LRRC69: variants seen among roughly 807,000 people sequenced by gnomAD.
LRRC69 encodes leucine-rich repeat-containing protein 69.
A neutral mutation model predicts 37.8 loss-of-function variants in LRRC69; 42 were observed. The observed-to-expected ratio is 1.11, with a 90% CI of 0.87 to 1.44. The LOEUF (loss-of-function observed/expected upper bound fraction) is 1.44, where lower values mean the gene tolerates loss of function less well. Ranked by LOEUF, LRRC69 falls within the 40% of genes most tolerant of loss-of-function variation. The pLI is 0.00. For missense variants in LRRC69, 357 were observed against 401.9 expected (o/e 0.89, Z 0.96); for synonymous variants, 141 against 143.1 (o/e 0.99, Z 0.11).
chr8:91,136,542 A>G (rs1808422039), intron 5 of LRRC69, among the ~76,000 whole-genome samples: 1 of 152,124 alleles, frequency 6.6e-6, no homozygotes, highest in South Asian at 2.1e-4. Flanking sequence ...AATCATTTCT[A>G]CTTGTATAGT....
chr8:91,206,781 T>C (rs1039039366), intron 7 of LRRC69: 3 of 1,289,662 alleles, frequency 2.3e-6, no homozygotes, highest in Non-Finnish European at 3.0e-6. Flanking sequence ...TCACCTGGAA[T>C]ACCTCAATTA....
intron 3 of LRRC69, among the ~76,000 whole-genome samples, chr8:91,128,433 G>A (rs1813756191): frequency 6.6e-6 from 1 of 151,976 alleles, no homozygotes; most frequent in Middle Eastern, 3.2e-3. Flanking sequence ...GGATTGCAGA[G>A]TGTATAGGTC....
chr8:91,123,864 C>T (rs72666005), intron 1 of LRRC69, among the ~76,000 whole-genome samples: 2,137 of 152,054 alleles, frequency 0.014, 30 homozygotes, highest in Middle Eastern at 0.024. Flanking sequence ...GCAGTTCTTC[C>T]TAGGCCTGAC....
intron 5 of LRRC69, among the ~76,000 whole-genome samples, chr8:91,175,111 C>A (rs1809201741): frequency 6.6e-6 from 1 of 152,054 alleles, no homozygotes; most frequent in Non-Finnish European, 1.5e-5. Flanking sequence ...TGCATGTTTT[C>A]TTTTGGTTCT....
At chr8:91,110,573 A>T (rs1813391579) in intron 1 of LRRC69, among the ~76,000 whole-genome samples, 1 of 149,878 alleles carries the variant, frequency 6.7e-6, no homozygotes, top group African/African-American at 2.4e-5. Flanking sequence ...TGGGAGGTGG[A>T]GGTTGCAGTG....
At position 91,145,248 on chromosome 8, in the gene LRRC69, A is replaced by G. The variant is rs79394965; in HGVS notation, c.651+9509A>G. On this transcript the variant is annotated intron_variant, in intron 5 of 7. Transcript: ENST00000448384. ...AAAATAGCCTAAAAGTTTAAAAGTG[A>G]TACACAGGGAAAGGTCCATAAAGCT... 7.4e-4 allele frequency among the ~76,000 whole-genome samples: 112 copies of G among 152,080 alleles called. 1 individual carries two copies. In the East Asian group the frequency reaches 0.021, roughly 28 times the overall value.
At chr8:91,156,741 C>G (rs950773876) in intron 5 of LRRC69, among the ~76,000 whole-genome samples, 1 of 150,890 alleles carries the variant, frequency 6.6e-6, no homozygotes, top group African/African-American at 2.4e-5. Flanking sequence ...TGTAGCAATT[C>G]TATAGTTTCA....
intron 5 of LRRC69, among the ~76,000 whole-genome samples, chr8:91,138,253 T>C (rs981954481): frequency 1.3e-5 from 2 of 151,966 alleles, no homozygotes; most frequent in Non-Finnish European, 2.9e-5. Flanking sequence ...CTGGTGATGA[T>C]AGGAAGCATT....
chr8:91,205,796 A>G (rs1240878342), intron 7 of LRRC69, among the ~76,000 whole-genome samples: 1 of 152,020 alleles, frequency 6.6e-6, no homozygotes, highest in Non-Finnish European at 1.5e-5. Context: ...AATCAGAGAA[A>G]TCATTCTCAT....
chr8:91,156,098 A>G (rs969564223), intron 5 of LRRC69, among the ~76,000 whole-genome samples: 1 of 150,824 alleles, frequency 6.6e-6, no homozygotes, highest in Non-Finnish European at 1.5e-5. Flanking sequence ...TGGTAGTTCT[A>G]TTCATAGATT....
intron 1 of LRRC69, among the ~76,000 whole-genome samples, chr8:91,118,737 A>C (rs991741523): frequency 6.6e-6 from 1 of 152,106 alleles, no homozygotes; most frequent in African/African-American, 2.4e-5. Context: ...AAAGCTTATC[A>C]AATAGTTGTC....
At chr8:91,151,186 A>C (rs1478391666) in intron 5 of LRRC69, among the ~76,000 whole-genome samples, 1 of 150,672 alleles carries the variant, frequency 6.6e-6, no homozygotes, top group African/African-American at 2.4e-5. Flanking sequence ...TGAGGGTGTC[A>C]ATTTTGGATC....
intron 5 of LRRC69, 112 bp downstream of exon 5, chr8:91,135,851 T>C (rs1813903282): frequency 8.0e-6 from 4 of 502,758 alleles, no homozygotes; most frequent in Non-Finnish European, 1.0e-5. Flanking sequence ...CCTTAAATTA[T>C]ACAAATGACT....
At chr8:91,192,202 T>C (rs1175452877) in intron 6 of LRRC69, among the ~76,000 whole-genome samples, 3 of 152,138 alleles carry the variant, frequency 2.0e-5, no homozygotes, top group Non-Finnish European at 4.4e-5. Context: ...TGCATAGTAT[T>C]CCATGGTGTA....
At chr8:91,127,016 T>G in intron 2 of LRRC69, 72 bp from the exon 3 acceptor site, 1 of 1,155,142 alleles carries the variant, frequency 8.7e-7, no homozygotes. Flanking sequence ...AACAAAGGTA[T>G]GTAGAAAAGT....
rs768910522 is a variant in LRRC69, at chr8:91,189,635, C to A, written c.753+12C>A. On this transcript the variant is annotated intron_variant, in intron 6 of 7. Coordinates refer to ENST00000448384, the Ensembl canonical transcript of LRRC69. ...TCTGGAGTCTACAGGTGAAGACTTACCTCATTAACTTAAGTCTTCAAACTA... is the reference window on the plus strand; with the variant it reads ...TCTGGAGTCTACAGGTGAAGACTTAACTCATTAACTTAAGTCTTCAAACTA... 6.1e-6 allele frequency: 9 copies of A among 1,472,412 alleles called. No individual in the cohort carries two copies. The highest frequency in any genetic ancestry group is 3.8e-5 in the South Asian group (3 of 77,968). The allele number at this position is 1,472,412 out of a possible 1,614,324, so 91.2% of individuals were successfully genotyped here.
intron 5 of LRRC69, among the ~76,000 whole-genome samples, chr8:91,182,649 A>G (rs1437955342): frequency 1.3e-5 from 2 of 152,206 alleles, no homozygotes; most frequent in Non-Finnish European, 2.9e-5. Context: ...TCTCACAGCT[A>G]GTAAGTATGG....
rs552825661 is a variant in LRRC69 at position 91,112,687 on chromosome 8, T to A, written c.183+9843T>A. 1.4e-4 allele frequency among the ~76,000 whole-genome samples: 22 copies of A among 152,146 alleles called. No homozygotes were observed. The South Asian group carries it at 4.6e-3, about 31-fold the overall frequency. ...TGTAATATCTGGTACAAGGAAAGAA[T>A]ACTTACTTTCTCTACTTTTCAACAT... On this transcript the variant is annotated intron_variant, in intron 1 of 7. Coordinates refer to ENST00000448384, the Ensembl canonical transcript of LRRC69.
At chr8:91,207,865 C>T (rs1809833090) in intron 7 of LRRC69, among the ~76,000 whole-genome samples, 1 of 152,178 alleles carries the variant, frequency 6.6e-6, no homozygotes, top group Admixed American at 6.5e-5. Context: ...AACAAAGTAT[C>T]ACAGACTGGG....
Sources: gnomAD v4.1 joint callset for allele counts (sites outside exome capture counted in the v4.1 genomes callset) on GRCh38, gnomAD v4.1.1 for gene constraint, MANE v1.5 for transcripts, NCBI Gene and HGNC (gene_info 2026-07-23, HGNC 2026-07-21) for gene names.